The following ZW10 variants were observed in gnomAD, a reference collection of about 807,000 sequenced individuals.
The protein encoded by ZW10 is centromere/kinetochore protein zw10 homolog.
In ZW10, 53 loss-of-function variants were observed where a neutral mutation model predicts 87.8. The observed-to-expected ratio is 0.60, with a 90% CI of 0.48 to 0.76. ZW10 has a LOEUF of 0.76. Ranked by LOEUF, ZW10 falls within the 30% of genes least tolerant of loss-of-function variation. The pLI, the probability that ZW10 is intolerant of heterozygous loss-of-function variation, is 0.00. For synonymous variants in ZW10, 312 were observed against 329.2 expected, an observed-to-expected ratio of 0.95 and a Z score of 0.57; for missense variants, 837 against 923.0, an observed-to-expected ratio of 0.91 and a Z score of 1.21.
At chr11:113,767,721 C>T (rs1043779036) in intron 2 of ZW10, among the ~76,000 whole-genome samples, 3 of 152,140 alleles carry the variant, frequency 2.0e-5, no homozygotes, top group African/African-American at 7.2e-5. Flanking sequence ...ATCAAGATAA[C>T]GTCCACACTC....
chr11:113,742,848 T>C (rs1480229537), intron 10 of ZW10, among the ~76,000 whole-genome samples: 1 of 152,170 alleles, frequency 6.6e-6, no homozygotes, highest in Non-Finnish European at 1.5e-5. Flanking sequence ...AGACATGTTC[T>C]TCCTAGAGCA....
chr11:113,767,652 G>T (rs2459969), intron 2 of ZW10, among the ~76,000 whole-genome samples: 112,875 of 151,836 alleles, frequency 0.74, 43,047 homozygotes, highest in Non-Finnish European at 0.84. Flanking sequence ...ATAGGATTCC[G>T]GAAATTCAAA....
chr11:113,739,297 G>A lies in ZW10; in HGVS notation c.1669C>T (p.His557Tyr), dbSNP rs558344689. The A allele has an allele frequency of 1.1e-5, 17 of 1,613,964 alleles. No individual in the cohort carries two copies. In the East Asian group the frequency reaches 3.3e-4, roughly 32 times the overall value. Reference sequence around the variant, plus strand: ...GGGGCAAGACGCAATCTGAACTGATGCCCGAGGGTCAGCAAGTGGTGAGCA... The same window carrying A: ...GGGGCAAGACGCAATCTGAACTGATACCCGAGGGTCAGCAAGTGGTGAGCA... ...YIAHHLLTLG[H>Y]QFRLRLAPIL... Residue 557 changes from histidine to tyrosine, a missense_variant, in exon 12 of 16, where the codon CAT (histidine) becomes TAT (tyrosine). Coordinates refer to ENST00000200135, the MANE Select transcript of ZW10 (RefSeq NM_004724.4).
chr11:113,759,168 C>T (rs1426145197), intron 5 of ZW10, among the ~76,000 whole-genome samples: 1 of 152,138 alleles, frequency 6.6e-6, no homozygotes, highest in East Asian at 1.9e-4. Flanking sequence ...TGCACTCCAG[C>T]CTGGGCGACA....
At chr11:113,739,078 T>TA in intron 12 of ZW10, 135 bp downstream of exon 12, 1 of 925,848 alleles carries the variant, frequency 1.1e-6, no homozygotes, top group African/African-American at 1.7e-5. Flanking sequence ...ACTTGCAAAT[T>TA]AAATGCCCTC....
intron 2 of ZW10, among the ~76,000 whole-genome samples, chr11:113,761,858 C>T (rs890700061): frequency 1.3e-5 from 2 of 152,124 alleles, no homozygotes; most frequent in African/African-American, 4.8e-5. Context: ...TTTTTCTCCT[C>T]CCTCTCACAA....
At chr11:113,753,614 C>T (rs1953754969) in intron 7 of ZW10, among the ~76,000 whole-genome samples, 1 of 152,124 alleles carries the variant, frequency 6.6e-6, no homozygotes, top group Non-Finnish European at 1.5e-5. Context: ...CCATGTTGGC[C>T]AGGCTGGTCT....
At position 113,733,594 on chromosome 11, in the gene ZW10, C is replaced by T; in HGVS notation, c.*100G>A. On this transcript the variant is annotated 3_prime_UTR_variant, in exon 16 of 16. Transcript: ENST00000200135. ...GTCAAACTTCCAAGATGTACTGGTT[C>T]ACCAAAACCAATGGGCGATTCAAAG... is the stretch of plus-strand genomic sequence containing the variant. 1 of 1,537,428 alleles carries T rather than the reference C, an allele frequency of 6.5e-7. No individual in the cohort carries two copies. The highest frequency in any genetic ancestry group is 1.7e-5 in the Admixed American group (1 of 58,456).
At position 113,737,669 on chromosome 11, in the gene ZW10, C is replaced by T. The variant is rs768221191; in HGVS notation, c.1919G>A (p.Trp640Ter). 3.4e-5 allele frequency: 55 copies of T among 1,613,198 alleles called. No homozygotes were observed. The highest frequency in any genetic ancestry group is 4.6e-5 in the Non-Finnish European group (54 of 1,179,474). ...TATATTCACTGGCAGGACATCCTGC[C>T]ACACAATTCCAAGTCTCTTTAGTTG... ...LHQLKRLGIV[W>*]QDVLPVNIYC... Residue 640 changes from tryptophan (W) to a stop codon, truncating the protein, a stop_gained, in exon 14 of 16, where the codon TGG (tryptophan) becomes TAG (stop). Coordinates refer to ENST00000200135, the MANE Select transcript of ZW10 (RefSeq NM_004724.4). LOFTEE classifies it high-confidence loss of function.
At position 113,758,712 on chromosome 11, in the gene ZW10, A is replaced by G; in HGVS notation, c.581-6T>C. The G allele has an allele frequency of 6.2e-7, 1 of 1,613,524 alleles. No homozygotes were observed. The highest frequency in any genetic ancestry group is 1.1e-5 in the South Asian group (1 of 90,932). On this transcript the variant is annotated splice_polypyrimidine_tract_variant and splice_region_variant and intron_variant, in intron 5 of 15. Coordinates refer to ENST00000200135, the MANE Select transcript of ZW10 (RefSeq NM_004724.4). ...AGATTCCAAACTGCTGGTATCTAAG[A>G]AAAAGGAAGAAAAATATCAGCTGTC...
At chr11:113,772,357 G>T (rs997991895) in intron 1 of ZW10, among the ~76,000 whole-genome samples, 1 of 152,164 alleles carries the variant, frequency 6.6e-6, no homozygotes, top group Non-Finnish European at 1.5e-5. Context: ...TATTAAAGAA[G>T]AGATGTCAGG....
Position 113,757,868 on chromosome 11 carries a change from G to T in ZW10, c.734-15C>A. ...CAGCATCTGACCTGAAAAATCATAT[G>T]AACATTCATCAAAAAATCACCATAA... On this transcript the variant is annotated splice_polypyrimidine_tract_variant and intron_variant, in intron 6 of 15. Transcript: ENST00000200135. The T allele has an allele frequency of 6.4e-7, 1 of 1,569,922 alleles. No homozygotes were observed. Among genetic ancestry groups the T allele is most frequent in the South Asian group, 1.2e-5 (1 of 85,646 alleles).
At position 113,760,280 on chromosome 11, in the gene ZW10, T is replaced by G. The variant is rs571068202; in HGVS notation, c.509A>C (p.Lys170Thr). 1 of 1,614,150 alleles carries G rather than the reference T, an allele frequency of 6.2e-7. No homozygotes were observed. Among genetic ancestry groups the G allele is most frequent in the African/African-American group, 1.3e-5 (1 of 75,040 alleles). Residue 170 changes from lysine (K) to threonine (T), a missense_variant, in exon 5 of 16, where the codon AAA becomes ACA. By Grantham distance (78) the Lys-to-Thr change is moderately conservative. Transcript: ENST00000200135. ...TCCAAGGTGATAAAGTATGTTCTGT[T>G]TCTGTATTGTGAGCTCCATGCTGAG... is the stretch of plus-strand genomic sequence containing the variant. ...KSLSMELTIQ[K>T]QNILYHLGEE...
chr11:113,763,076 C>T (rs1953878887), intron 2 of ZW10, among the ~76,000 whole-genome samples: 1 of 152,110 alleles, frequency 6.6e-6, no homozygotes, highest in South Asian at 2.1e-4. Flanking sequence ...TCCATGCGTT[C>T]TCATTGTTCA....
Position 113,741,685 on chromosome 11 carries a change from G to A in ZW10, c.1583+9C>T. On this transcript the variant is annotated intron_variant, in intron 11 of 15. Coordinates refer to ENST00000200135, the MANE Select transcript of ZW10 (RefSeq NM_004724.4). Reference sequence around the variant, plus strand: ...TTATTATATAGAAATGAGATACAGTGGTACTTACTTGTGATATGTTGGTAC... The same window carrying A: ...TTATTATATAGAAATGAGATACAGTAGTACTTACTTGTGATATGTTGGTAC... 1 of 1,563,890 alleles carries A rather than the reference G, an allele frequency of 6.4e-7. No individual in the cohort carries two copies. The highest frequency in any genetic ancestry group is 8.7e-7 in the Non-Finnish European group (1 of 1,147,556).
chr11:113,756,869 G>A (rs1202069036), intron 7 of ZW10, among the ~76,000 whole-genome samples: 1 of 151,902 alleles, frequency 6.6e-6, no homozygotes, highest in African/African-American at 2.4e-5. Context: ...AACTACCTTG[G>A]ATTTCTGAAG....
chr11:113,737,442 G>GAAAAAAA (rs3835162), intron 14 of ZW10, 130 bp downstream of exon 14: 1 of 766,490 alleles, frequency 1.3e-6, no homozygotes. Context: ...AAACAAAACT[G>GAAAAAAA]AAAAAAAAAA....
chr11:113,768,999 C>G, intron 1 of ZW10, 32 bp from the exon 2 acceptor site: 3 of 1,603,496 alleles, frequency 1.9e-6, no homozygotes, highest in South Asian at 2.2e-5. Context: ...TATTAAAAGA[C>G]AGTGAAATGA....
chr11:113,764,669 A>G (rs1184227937), intron 2 of ZW10, among the ~76,000 whole-genome samples: 1 of 152,220 alleles, frequency 6.6e-6, no homozygotes, highest in Non-Finnish European at 1.5e-5. Flanking sequence ...AGCCCTACAA[A>G]GTCAAGATTA....
Sources: gnomAD v4.1 joint callset for allele counts (sites outside exome capture counted in the v4.1 genomes callset) on GRCh38, gnomAD v4.1.1 for gene constraint, MANE v1.5 for transcripts, NCBI Gene and HGNC (gene_info 2026-07-23, HGNC 2026-07-21) for gene names.